Variants in VTI1A observed in about 807,000 individuals in gnomAD.
VTI1A encodes vesicle transport through interaction with t-SNAREs homolog 1A.
In VTI1A, 22 loss-of-function variants were observed where a neutral mutation model predicts 34.9. That is an observed-to-expected ratio of 0.63 (90% CI 0.45 to 0.90). The LOEUF is 0.90. Ranked by LOEUF, VTI1A falls within the 40% of genes least tolerant of loss-of-function variation. The probability of loss-of-function intolerance (pLI) is 0.00; values close to 1 mark genes in which losing one functional copy is unlikely to be tolerated. For missense variants in VTI1A, 268 were observed against 275.6 expected (o/e 0.97, Z 0.20); for synonymous variants, 87 against 97.3 (o/e 0.89, Z 0.62).
At chr10:112,527,531 A>C (rs558801063) in intron 4 of VTI1A, 1 of 155,114 alleles carries the variant, frequency 6.4e-6, no homozygotes, top group East Asian at 1.9e-4. Context: ...AATGCAGTAT[A>C]ATTAAATCAA....
chr10:112,752,676 G>T (rs748147331), intron 7 of VTI1A: 93 of 603,392 alleles, frequency 1.5e-4, no homozygotes, highest in Non-Finnish European at 1.8e-4. Flanking sequence ...AATAGATGTT[G>T]CCTCCACTTA....
chr10:112,516,188 C>T (rs916847377), intron 3 of VTI1A, among the ~76,000 whole-genome samples: 2 of 152,044 alleles, frequency 1.3e-5, no homozygotes, highest in African/African-American at 4.8e-5. Flanking sequence ...GTCCACAAAT[C>T]AGACAAACAA....
chr10:112,754,362 G>A (rs1851208150), intron 7 of VTI1A, among the ~76,000 whole-genome samples: 1 of 152,026 alleles, frequency 6.6e-6, no homozygotes, highest in South Asian at 2.1e-4. Flanking sequence ...TGCCCAGCCT[G>A]CTGTCTGTCA....
rs576575361 is a variant in VTI1A, at chr10:112,792,652, A to G, written c.561-22638A>G. Among the ~76,000 whole-genome samples the G allele has an allele frequency of 1.1e-4, 17 of 152,374 alleles. No individual in the cohort carries two copies. The South Asian group carries it at 3.3e-3, about 30-fold the overall frequency. On this transcript the variant is annotated intron_variant, in intron 7 of 7. Coordinates refer to ENST00000393077, the MANE Select transcript of VTI1A (RefSeq NM_145206.4). ...AAATCTGACTCATAAAAACCGAGTC[A>G]AGATACGGCAATGATACTACTGAAG...
rs888670191 is a variant in VTI1A, at chr10:112,817,056, T to C, written c.*1673T>C. On this transcript the variant is annotated 3_prime_UTR_variant, in exon 8 of 8. Transcript: ENST00000393077. The stretch of plus-strand genomic sequence containing the variant: ...CTAATTTTCCTGTCAGCTTAAGGGA[T>C]CCGTCTCAGCAAGAATCTTGTATTC... The C allele has an allele frequency of 8.2e-5, 19 of 232,442 alleles. No individual in the cohort carries two copies. Among genetic ancestry groups the C allele is most frequent in the Admixed American group, 3.4e-4 (6 of 17,748 alleles). The allele number at this position is 232,442 out of a possible 1,614,324, so 14.4% of individuals were successfully genotyped here.
At chr10:112,706,516 T>G (rs1252131411) in intron 7 of VTI1A, among the ~76,000 whole-genome samples, 1 of 152,184 alleles carries the variant, frequency 6.6e-6, no homozygotes, top group Non-Finnish European at 1.5e-5. Context: ...ACTCTCAATA[T>G]TTTGCCATAC....
intron 3 of VTI1A, among the ~76,000 whole-genome samples, chr10:112,491,674 T>C (rs911696473): frequency 6.6e-6 from 1 of 152,186 alleles, no homozygotes; most frequent in Non-Finnish European, 1.5e-5. Context: ...ATGAGATATT[T>C]TACATTCTTT....
At chr10:112,736,496 T>C (rs185295491) in intron 7 of VTI1A, among the ~76,000 whole-genome samples, 114 of 152,210 alleles carry the variant, frequency 7.5e-4, no homozygotes, top group Non-Finnish European at 1.4e-3. Flanking sequence ...ATGGATGGAC[T>C]AAAGCGATGA....
At chr10:112,687,219 CTTTTTTTTTTTTTT>C (rs71303594) in intron 7 of VTI1A, among the ~76,000 whole-genome samples, 5 of 84,566 alleles carry the variant, frequency 5.9e-5, no homozygotes, top group African/African-American at 1.1e-4. Flanking sequence ...CATACTACAA[CTTTTTTTTTTTTTT>C]TTTTTTTTTT....
At chr10:112,687,828 G>C (rs1001798287) in intron 7 of VTI1A, among the ~76,000 whole-genome samples, 1 of 152,068 alleles carries the variant, frequency 6.6e-6, no homozygotes, top group Non-Finnish European at 1.5e-5. Flanking sequence ...TACTTGAGAG[G>C]ACCTGGCAGG....
intron 7 of VTI1A, chr10:112,671,869 C>G (rs988908281): frequency 1.3e-5 from 2 of 152,156 alleles, no homozygotes; most frequent in Non-Finnish European, 2.9e-5. Context: ...TTCCTTCTTT[C>G]CTTTCTTCTC....
intron 3 of VTI1A, among the ~76,000 whole-genome samples, chr10:112,497,759 T>G (rs879435381): frequency 1.3e-5 from 2 of 152,194 alleles, no homozygotes; most frequent in Non-Finnish European, 2.9e-5. Flanking sequence ...GTGACACCAT[T>G]TAATTACTGA....
rs191756479 is a variant in VTI1A at position 112,474,211 on chromosome 10, G to A, written c.264+9554G>A. On this transcript the variant is annotated intron_variant, in intron 3 of 7. Coordinates refer to ENST00000393077, the MANE Select transcript of VTI1A (RefSeq NM_145206.4). ...CGAGTAGCTGGGACCACAGGTGCCCGCCACCACACCTGGCTAATTTTTTTT... is the reference window on the plus strand; with the variant it reads ...CGAGTAGCTGGGACCACAGGTGCCCACCACCACACCTGGCTAATTTTTTTT... 4.4e-3 allele frequency among the ~76,000 whole-genome samples: 674 copies of A among 151,998 alleles called. 2 individuals carry two copies. The highest frequency in any genetic ancestry group is 0.014 in the African/African-American group (586 of 41,484).
In VTI1A at chr10:112,816,183, A is replaced by G. The variant is rs1428098573; in HGVS notation, c.*800A>G. ...CCCTGACCTGTGTAAGCATCTCTGT[A>G]TCCTTTCGGTTTTAATATCTGCACT... On this transcript the variant is annotated 3_prime_UTR_variant, in exon 8 of 8. Coordinates refer to ENST00000393077, the MANE Select transcript of VTI1A (RefSeq NM_145206.4). The G allele has an allele frequency of 4.6e-6, 1 of 217,906 alleles. No individual in the cohort carries two copies. The allele number at this position is 217,906 out of a possible 1,614,324, so 13.5% of individuals were successfully genotyped here. A position where few individuals can be genotyped will look rare whatever the true frequency, so the allele number is the denominator to read the frequency against.
intron 5 of VTI1A, among the ~76,000 whole-genome samples, chr10:112,546,019 T>TAC (rs1412545542): frequency 7.2e-6 from 1 of 139,574 alleles, no homozygotes; most frequent in Admixed American, 6.8e-5. Context: ...TGTGTGTATA[T>TAC]ACGTGTATAC....
intron 5 of VTI1A, among the ~76,000 whole-genome samples, chr10:112,664,005 AT>A (rs1403822736): frequency 6.6e-6 from 1 of 152,224 alleles, no homozygotes; most frequent in Admixed American, 6.5e-5. Context: ...AATGTCTTTT[AT>A]CTGCTACTAA....
intron 7 of VTI1A, among the ~76,000 whole-genome samples, chr10:112,745,162 T>C (rs2133982646): frequency 6.6e-6 from 1 of 152,322 alleles, no homozygotes; most frequent in African/African-American, 2.4e-5. Context: ...CTAATAATTA[T>C]TTTATGACTT....
At chr10:112,830,925 C>G in the VTI1A span, among the ~76,000 whole-genome samples, 1 of 146,862 alleles carries the variant, frequency 6.8e-6, no homozygotes, top group Non-Finnish European at 1.5e-5. Flanking sequence ...TCATGGCTCA[C>G]AGCAGCTTTG....
chr10:112,681,690 C>T (rs1400314338), intron 7 of VTI1A, among the ~76,000 whole-genome samples: 2 of 152,110 alleles, frequency 1.3e-5, no homozygotes, highest in Non-Finnish European at 2.9e-5. Flanking sequence ...TTTTCACACA[C>T]TTGACTAAAA....
Sources: allele counts gnomAD v4.1 joint callset (sites outside exome capture counted in the v4.1 genomes callset), GRCh38; gene constraint gnomAD v4.1.1; transcripts MANE v1.5; gene names NCBI Gene and HGNC (gene_info 2026-07-23, HGNC 2026-07-21).